CFAP47: variants seen among roughly 807,000 people sequenced by gnomAD.
CFAP47 encodes cilia and flagella associated protein 47, also known as cilia- and flagella-associated protein 47.
In CFAP47, 29 loss-of-function variants were observed where a neutral mutation model predicts 148.1. The observed-to-expected ratio is 0.20, with a 90% confidence interval of 0.15 to 0.27. The LOEUF is 0.27. CFAP47 is among the 10% of genes least tolerant of loss of function. The pLI is 1.00. For missense variants in CFAP47, 1,872 were observed against 1,697.5 expected, an observed-to-expected ratio of 1.10 and a Z score of -1.81; for synonymous variants, 664 against 577.3, an observed-to-expected ratio of 1.15 and a Z score of -2.15.
chrX:36,145,017 C>G, intron 35 of CFAP47: 1 of 422,122 alleles, frequency 2.4e-6, no homozygotes, highest in South Asian at 4.4e-5. Context: ...TGTGGGACTT[C>G]GCCTTTGTGA....
At chrX:36,187,082 C>G (rs892357012) in intron 40 of CFAP47, among the ~76,000 whole-genome samples, 13 of 111,810 alleles carry the variant, frequency 1.2e-4, no homozygotes, top group African/African-American at 4.2e-4. Context: ...TTTCTAGACT[C>G]AGAAACATTC....
At chrX:36,202,279 A>G (rs1056881755) in intron 44 of CFAP47, among the ~76,000 whole-genome samples, 4 of 111,543 alleles carry the variant, frequency 3.6e-5, no homozygotes, top group African/African-American at 1.3e-4. Flanking sequence ...TTGTAAACGC[A>G]AGCCTGCTCA....
chrX:36,057,355 A>G (rs1937562860), intron 26 of CFAP47, among the ~76,000 whole-genome samples: 1 of 111,993 alleles, frequency 8.9e-6, no homozygotes, highest in African/African-American at 3.2e-5. Context: ...ATGAAAATTA[A>G]ACTGTGAATG....
At chrX:35,939,466 C>T (rs1424603565) in intron 2 of CFAP47, among the ~76,000 whole-genome samples, 1 of 81,643 alleles carries the variant, frequency 1.2e-5, no homozygotes, top group Non-Finnish European at 2.3e-5. Flanking sequence ...CACAACAGTC[C>T]CCAGAGTGTG....
chrX:36,000,730 C>T (rs770573434), intron 20 of CFAP47, among the ~76,000 whole-genome samples: 12 of 111,464 alleles, frequency 1.1e-4, no homozygotes, highest in South Asian at 3.7e-4. Flanking sequence ...AATTATGAAT[C>T]GCTTGTTTTA....
intron 35 of CFAP47, 79 bp downstream of exon 35, chrX:36,138,543 TG>T: frequency 3.0e-6 from 3 of 1,016,436 alleles, no homozygotes; most frequent in Non-Finnish European, 3.8e-6. Context: ...AATATTGCTT[TG>T]TTCATATTTT....
chrX:36,145,107 GTGTA>G, intron 35 of CFAP47, 108 bp from the exon 36 acceptor site: 2 of 311,327 alleles, frequency 6.4e-6, no homozygotes, highest in Non-Finnish European at 1.1e-5. Context: ...GTGTGTGTGT[GTGTA>G]TGTGTGTGTA....
At chrX:36,329,132 G>T in intron 57 of CFAP47, among the ~76,000 whole-genome samples, 1 of 111,397 alleles carries the variant, frequency 9.0e-6, no homozygotes, top group South Asian at 3.7e-4. Flanking sequence ...AATACAAACA[G>T]AAAATACTAA....
At chrX:36,357,675 A>G (rs1387194030) in intron 60 of CFAP47, among the ~76,000 whole-genome samples, 1 of 111,720 alleles carries the variant, frequency 9.0e-6, no homozygotes. Flanking sequence ...ACTGTTTTGC[A>G]GTGTCACTTC....
chrX:36,374,720 G>A, intron 62 of CFAP47: 1 of 404,517 alleles, frequency 2.5e-6, no homozygotes, highest in Non-Finnish European at 4.2e-6. Context: ...GTTTTGTTGT[G>A]TTTTCATTTC....
At chrX:36,035,333 A>T (rs1317664408) in intron 23 of CFAP47, among the ~76,000 whole-genome samples, 1 of 111,387 alleles carries the variant, frequency 9.0e-6, no homozygotes, top group East Asian at 2.8e-4. Flanking sequence ...ACTACATTCA[A>T]TGAGGTTATT....
At chrX:36,296,563 A>G (rs1175464862) in intron 51 of CFAP47, among the ~76,000 whole-genome samples, 1 of 112,507 alleles carries the variant, frequency 8.9e-6, no homozygotes, top group Non-Finnish European at 1.9e-5. Flanking sequence ...TGTGAACCAT[A>G]TTGTGATATA....
At position 36,347,894 on chromosome X, in the gene CFAP47, C is replaced by A. The variant is rs1229821703; in HGVS notation, c.8444-235C>A. ...TGTATACCTATGTAACAAAACTGCACGTTCTGCACATGTAACCCAGAACTT... is the reference window on the plus strand; with the variant it reads ...TGTATACCTATGTAACAAAACTGCAAGTTCTGCACATGTAACCCAGAACTT... On this transcript the variant is annotated intron_variant, in intron 57 of 63. Coordinates refer to ENST00000378653, the MANE Select transcript of CFAP47 (RefSeq NM_001304548.2). Among the ~76,000 whole-genome samples, 5 of 111,197 alleles carry A rather than the reference C, an allele frequency of 4.5e-5. No individual in the cohort carries two copies. The Admixed American group carries it at 4.8e-4, about 11-fold the overall frequency.
intron 35 of CFAP47, 119 bp from the exon 36 acceptor site, chrX:36,145,100 T>A (rs1939213805): frequency 5.7e-6 from 2 of 351,504 alleles, no homozygotes; most frequent in Non-Finnish European, 9.7e-6. Flanking sequence ...TGTGTGTGTG[T>A]GTGTGTGTGT....
In CFAP47 at chrX:35,941,724, G is replaced by A. The variant is rs770696142; in HGVS notation, c.517+326G>A. ...CGCCTTATTAGTTGTGTGATCTGGG[G>A]CAAGTATTTTTAAGGATTTTGAACT... is the stretch of plus-strand genomic sequence containing the variant. On this transcript the variant is annotated intron_variant, in intron 3 of 63. Coordinates refer to ENST00000378653, the MANE Select transcript of CFAP47 (RefSeq NM_001304548.2). Among the ~76,000 whole-genome samples the A allele has an allele frequency of 2.0e-4, 22 of 111,241 alleles. No individual in the cohort carries two copies. The South Asian group carries it at 8.0e-3, about 40-fold the overall frequency.
At chrX:36,172,203 GAC>G (rs1190895079) in intron 39 of CFAP47, among the ~76,000 whole-genome samples, 6 of 98,767 alleles carry the variant, frequency 6.1e-5, no homozygotes, top group Non-Finnish European at 1.3e-4. Flanking sequence ...TTTGGGCTGA[GAC>G]AATGGGGTTT....
intron 29 of CFAP47, among the ~76,000 whole-genome samples, chrX:36,080,773 C>G (rs1937963251): frequency 9.0e-6 from 1 of 110,544 alleles, no homozygotes; most frequent in African/African-American, 3.3e-5. Flanking sequence ...CACACCAGGG[C>G]CTGTTGTGGG....
chrX:36,265,165 C>G (rs782384282), intron 49 of CFAP47, among the ~76,000 whole-genome samples: 1 of 111,621 alleles, frequency 9.0e-6, no homozygotes, highest in East Asian at 2.8e-4. Flanking sequence ...CTTTTTGTGC[C>G]TATTATAAAA....
At chrX:36,058,396 G>A (rs1569245034) in intron 26 of CFAP47, among the ~76,000 whole-genome samples, 1 of 111,434 alleles carries the variant, frequency 9.0e-6, no homozygotes, top group Admixed American at 9.6e-5. Flanking sequence ...TGTTTTGCAG[G>A]TACACCCTCA....
Sources: allele counts gnomAD v4.1 joint callset (sites outside exome capture counted in the v4.1 genomes callset), GRCh38; gene constraint gnomAD v4.1.1; transcripts MANE v1.5; gene names NCBI Gene and HGNC (gene_info 2026-07-23, HGNC 2026-07-21).